The following TANC2 variants were observed in gnomAD, a reference collection of about 807,000 sequenced individuals.
The protein encoded by TANC2 is tetratricopeptide repeat, ankyrin repeat and coiled-coil containing 2, also known as protein TANC2.
TANC2 carries 26 observed loss-of-function variants against 210.5 expected under a neutral mutation model. The observed-to-expected ratio is 0.12, with a 90% CI of 0.09 to 0.17. TANC2 has a LOEUF of 0.17. Among genes scored for constraint, TANC2 ranks in the 10% least tolerant of loss-of-function variants. TANC2 has a pLI of 1.00. For missense variants in TANC2, 2,129 were observed against 2,608.9 expected, an observed-to-expected ratio of 0.82 and a Z score of 4.01; for synonymous variants, 931 against 967.1, an observed-to-expected ratio of 0.96 and a Z score of 0.69.
intron 9 of TANC2, among the ~76,000 whole-genome samples, chr17:63,268,611 ATTTTTGTTTT>A (rs2043601664): frequency 6.6e-6 from 1 of 152,106 alleles, no homozygotes; most frequent in Non-Finnish European, 1.5e-5. Context: ...AATTTTTTTC[ATTTTTGTTTT>A]AGTGGCCATT....
chr17:63,244,695 C>T (rs543807162), intron 8 of TANC2, among the ~76,000 whole-genome samples: 3 of 152,208 alleles, frequency 2.0e-5, no homozygotes, highest in African/African-American at 2.4e-5. Context: ...ATTTGTAAAC[C>T]GCCGATTTCT....
chr17:63,074,924 A>G (rs1473479115), intron 3 of TANC2, among the ~76,000 whole-genome samples: 1 of 152,194 alleles, frequency 6.6e-6, no homozygotes, highest in African/African-American at 2.4e-5. Context: ...TTAATCCTGT[A>G]AAAGCTTCAG....
At chr17:63,049,432 G>GTATC (rs2035498262) in intron 2 of TANC2, among the ~76,000 whole-genome samples, 1 of 152,136 alleles carries the variant, frequency 6.6e-6, no homozygotes, top group Admixed American at 6.6e-5. Flanking sequence ...GGACAGTTAT[G>GTATC]TATCTACCCA....
At chr17:63,302,817 G>A (rs538308278) in intron 9 of TANC2, among the ~76,000 whole-genome samples, 9 of 151,872 alleles carry the variant, frequency 5.9e-5, no homozygotes, top group African/African-American at 2.2e-4. Context: ...AGGGTGGAGT[G>A]CAGTGACATG....
At chr17:63,072,516 T>C (rs2036431379) in intron 2 of TANC2, among the ~76,000 whole-genome samples, 1 of 152,206 alleles carries the variant, frequency 6.6e-6, no homozygotes, top group South Asian at 2.1e-4. Flanking sequence ...GTAACTTATA[T>C]AGTAACAGCA....
intron 3 of TANC2, among the ~76,000 whole-genome samples, chr17:63,074,527 G>A (rs930467219): frequency 6.6e-6 from 1 of 152,040 alleles, no homozygotes; most frequent in African/African-American, 2.4e-5. Context: ...AACATTCTGA[G>A]TCAGTGAAAT....
At chr17:63,242,878 TA>T (rs2042813946) in intron 8 of TANC2, among the ~76,000 whole-genome samples, 1 of 152,048 alleles carries the variant, frequency 6.6e-6, no homozygotes, top group African/African-American at 2.4e-5. Flanking sequence ...GAAGCCAGAT[TA>T]AAAAAATATA....
rs185134901 is a variant in TANC2 at position 63,421,676 on chromosome 17, C to T, written c.5946C>T (p.Ser1982=). The T allele has an allele frequency of 2.5e-5, 41 of 1,614,082 alleles. No homozygotes were observed. The Admixed American group carries it at 5.3e-4, about 21-fold the overall frequency. The change falls in exon 28 of 28, where the codon AGC becomes AGT. Residue 1982 remains serine, a synonymous_variant. Coordinates refer to ENST00000689528, the Ensembl canonical transcript of TANC2. This position sits in a 1 kb window ranked among gnomAD's most constrained non-coding sequence, Gnocchi z 6.9. ...CCTTCAGTCCACCATCATCCATCAG[C>T]AACATTGCCTTTTATAACAAAACCA...
Position 63,412,743 on chromosome 17 carries a change from C to CT in TANC2, c.3928+35dup. ...CACCGCTGTCAGCATCAGGCGTGGT[C>CT]TGATGGCTTGGTCAGCTTTGCCTTC... On this transcript the variant is annotated intron_variant, in intron 24 of 27. Coordinates refer to ENST00000689528, the Ensembl canonical transcript of TANC2. The surrounding 1 kb of genome is among the most constrained non-coding windows in gnomAD (Gnocchi z 4.2). 1 of 1,535,246 alleles carries CT rather than the reference C, an allele frequency of 6.5e-7. No homozygotes were observed.
At chr17:63,370,768 C>T (rs2047243686) in intron 14 of TANC2, among the ~76,000 whole-genome samples, 1 of 152,188 alleles carries the variant, frequency 6.6e-6, no homozygotes, top group Admixed American at 6.5e-5. Context: ...TTGTTTTCAT[C>T]AACTGGCAGA....
At chr17:63,290,233 GC>G (rs2044345556) in intron 9 of TANC2, among the ~76,000 whole-genome samples, 1 of 152,106 alleles carries the variant, frequency 6.6e-6, no homozygotes, top group African/African-American at 2.4e-5. Flanking sequence ...AATGGTGGCG[GC>G]CCCCATCTCT....
intron 9 of TANC2, among the ~76,000 whole-genome samples, chr17:63,295,095 G>A (rs1240533764): frequency 6.6e-6 from 1 of 151,910 alleles, no homozygotes; most frequent in East Asian, 1.9e-4. Context: ...ATTTATAGTC[G>A]AGTACATAGA....
chr17:63,236,471 A>G (rs1161663050), intron 7 of TANC2, among the ~76,000 whole-genome samples: 2 of 152,122 alleles, frequency 1.3e-5, no homozygotes, highest in Non-Finnish European at 2.9e-5. Context: ...AAACAGATTA[A>G]TCTCTACTTT....
intron 17 of TANC2, among the ~76,000 whole-genome samples, chr17:63,394,427 T>C (rs1463210702): frequency 6.6e-6 from 1 of 152,222 alleles, no homozygotes; most frequent in African/African-American, 2.4e-5. Flanking sequence ...ACCCCAGTCC[T>C]GGAATCAACC....
chr17:63,169,129 C>T (rs1227807428), intron 5 of TANC2, among the ~76,000 whole-genome samples: 2 of 152,262 alleles, frequency 1.3e-5, no homozygotes, highest in East Asian at 1.9e-4. Context: ...CTTTCTCTTT[C>T]CTTCCTCCAT....
chr17:63,264,918 C>T (rs1338862176), intron 8 of TANC2, among the ~76,000 whole-genome samples: 1 of 152,102 alleles, frequency 6.6e-6, no homozygotes, highest in Non-Finnish European at 1.5e-5. Flanking sequence ...ATGACTGCAC[C>T]ACTGCACTCT....
chr17:63,095,514 T>G (rs1342156699), intron 3 of TANC2, among the ~76,000 whole-genome samples: 1 of 152,142 alleles, frequency 6.6e-6, no homozygotes, highest in Non-Finnish European at 1.5e-5. Flanking sequence ...TGACTTGGCC[T>G]CCTGCACTCC....
intron 4 of TANC2, among the ~76,000 whole-genome samples, chr17:63,124,273 A>G (rs1036504285): frequency 2.6e-4 from 40 of 152,188 alleles, no homozygotes; most frequent in Non-Finnish European, 1.2e-4. Context: ...AAGAAATACA[A>G]CCTAAGGGAC....
In TANC2 at chr17:63,347,666, A is replaced by G. The variant is rs373580875; in HGVS notation, c.1808-3584A>G. On this transcript the variant is annotated intron_variant, in intron 12 of 27. Coordinates refer to ENST00000689528, the Ensembl canonical transcript of TANC2. ...CACAAGTACAGTGATTAAAATACAT[A>G]CACGCACACCCACATGCTCATATAA... Among the ~76,000 whole-genome samples the G allele has an allele frequency of 4.6e-5, 7 of 152,374 alleles. No individual in the cohort carries two copies. The East Asian group carries it at 1.4e-3, about 29-fold the overall frequency.
Sources: allele counts gnomAD v4.1 joint callset (sites outside exome capture counted in the v4.1 genomes callset), GRCh38; gene constraint gnomAD v4.1.1; non-coding constraint Gnocchi (gnomAD v3.1); transcripts MANE v1.5; gene names NCBI Gene and HGNC (gene_info 2026-07-23, HGNC 2026-07-21).